The following NBAS variants were observed in gnomAD, a reference collection of about 807,000 sequenced individuals.
NBAS encodes NAG/BC035112 fusion.
Under a neutral mutation model 302.5 loss-of-function variants are expected in NBAS, and 219 were observed. The ratio of observed to expected loss-of-function variants is 0.72; its 90% CI spans 0.65 to 0.81. The LOEUF is 0.81. Ranked by LOEUF, NBAS falls within the 30% of genes least tolerant of loss-of-function variation. The pLI, the probability that NBAS is intolerant of heterozygous loss-of-function variation, is 0.00. For synonymous variants in NBAS, 1,118 were observed against 1,021.6 expected, an observed-to-expected ratio of 1.09 and a Z score of -1.80; for missense variants, 2,932 against 2,841.6, an observed-to-expected ratio of 1.03 and a Z score of -0.72.
At chr2:15,542,887 T>TGCTTC (rs1459158289) in intron 6 of NBAS, among the ~76,000 whole-genome samples, 1 of 149,816 alleles carries the variant, frequency 6.7e-6, no homozygotes, top group African/African-American at 2.5e-5. Flanking sequence ...GGATTTGCTT[T>TGCTTC]TATATGCTAG....
chr2:15,204,877 G>A (rs1421512308), intron 48 of NBAS, among the ~76,000 whole-genome samples: 1 of 152,146 alleles, frequency 6.6e-6, no homozygotes, highest in African/African-American at 2.4e-5. Flanking sequence ...GGGGAAGGGG[G>A]AGGGATAGCA....
chr2:15,098,285 A>ATATATTGTGTATAC, the NBAS span, among the ~76,000 whole-genome samples: 37 of 5,310 alleles, frequency 7.0e-3, 14 homozygotes, highest in African/African-American at 0.018. Flanking sequence ...ATTATATAAT[A>ATATATTGTGTATAC]TATATTATAT....
the NBAS span, among the ~76,000 whole-genome samples, chr2:14,971,925 T>C: frequency 9.2e-5 from 14 of 152,332 alleles, no homozygotes; most frequent in Middle Eastern, 3.4e-3. Context: ...TGGTGGTTCT[T>C]GTATCTCCAT....
At chr2:15,402,589 T>C (rs964607287) in intron 25 of NBAS, among the ~76,000 whole-genome samples, 3 of 152,170 alleles carry the variant, frequency 2.0e-5, no homozygotes, top group African/African-American at 7.2e-5. Flanking sequence ...AGAAACACTG[T>C]GAATTAAAAA....
chr2:14,845,944 A>G, the NBAS span, among the ~76,000 whole-genome samples: 10 of 152,146 alleles, frequency 6.6e-5, no homozygotes, highest in Admixed American at 2.0e-4. Context: ...CAAATCTAAG[A>G]GTTATTGGCC....
chr2:15,124,186 T>G, the NBAS span, among the ~76,000 whole-genome samples: 4 of 152,192 alleles, frequency 2.6e-5, no homozygotes, highest in Non-Finnish European at 5.9e-5. Context: ...TGTGGAAGTC[T>G]GAACTTGAGA....
At chr2:15,249,458 T>C (rs1234189527) in intron 44 of NBAS, among the ~76,000 whole-genome samples, 1 of 152,214 alleles carries the variant, frequency 6.6e-6, no homozygotes. Flanking sequence ...TTGGAAGTTC[T>C]GGCCAGGGCA....
the NBAS span, among the ~76,000 whole-genome samples, chr2:14,841,019 C>T: frequency 2.0e-5 from 3 of 151,818 alleles, no homozygotes; most frequent in Admixed American, 6.6e-5. Flanking sequence ...ATCAAGACAA[C>T]AAAAAGTAAA....
intron 44 of NBAS, among the ~76,000 whole-genome samples, chr2:15,261,302 T>G (rs1387066907): frequency 6.6e-6 from 1 of 152,216 alleles, no homozygotes; most frequent in Admixed American, 6.5e-5. Flanking sequence ...GCACGTTAAG[T>G]GCTGTTTATA....
intron 35 of NBAS, among the ~76,000 whole-genome samples, chr2:15,336,660 G>A (rs1397710996): frequency 6.6e-6 from 1 of 152,006 alleles, no homozygotes; most frequent in Non-Finnish European, 1.5e-5. Context: ...AACCCAGGAG[G>A]CAAAGGCTAC....
chr2:15,153,843 T>C, the NBAS span, among the ~76,000 whole-genome samples: 5 of 152,354 alleles, frequency 3.3e-5, no homozygotes, highest in Admixed American at 1.3e-4. Flanking sequence ...ATAGGAACCT[T>C]GTAAGTAATA....
chr2:15,092,215 A>G, the NBAS span, among the ~76,000 whole-genome samples: 13 of 152,320 alleles, frequency 8.5e-5, no homozygotes, highest in East Asian at 2.5e-3. Flanking sequence ...ATCCCAAGTA[A>G]GGAAAAGAAG....
At chr2:15,024,084 C>A in the NBAS span, among the ~76,000 whole-genome samples, 1 of 151,880 alleles carries the variant, frequency 6.6e-6, no homozygotes, top group Non-Finnish European at 1.5e-5. Context: ...AGTCATAGTA[C>A]CCAAGGGTTT....
chr2:15,160,456 C>T, the NBAS span, among the ~76,000 whole-genome samples: 1 of 152,160 alleles, frequency 6.6e-6, no homozygotes. Flanking sequence ...GGAGACACAT[C>T]TTGGCTCATA....
chr2:15,085,936 C>T, the NBAS span, among the ~76,000 whole-genome samples: 3 of 152,130 alleles, frequency 2.0e-5, no homozygotes, highest in Admixed American at 2.0e-4. Context: ...GGCCTGCAGG[C>T]GCCCATGGCA....
chr2:15,115,665 C>G, the NBAS span, among the ~76,000 whole-genome samples: 3 of 151,952 alleles, frequency 2.0e-5, no homozygotes, highest in African/African-American at 7.3e-5. Context: ...CTCCACCATG[C>G]TCAGCTAATT....
intron 10 of NBAS, among the ~76,000 whole-genome samples, chr2:15,505,276 T>C (rs1661790327): frequency 6.6e-6 from 1 of 152,032 alleles, no homozygotes; most frequent in East Asian, 1.9e-4. Context: ...CTAAGGTCCA[T>C]CTAAAACCAA....
At chr2:15,022,504 C>G in the NBAS span, among the ~76,000 whole-genome samples, 1 of 152,180 alleles carries the variant, frequency 6.6e-6, no homozygotes, top group Non-Finnish European at 1.5e-5. Context: ...CAATAGGGAT[C>G]TGAAACTTTT....
At chr2:15,353,772 A>C in intron 33 of NBAS, 62 bp from the exon 34 acceptor site, 12 of 1,607,990 alleles carry the variant, frequency 7.5e-6, no homozygotes, top group Non-Finnish European at 9.4e-6. Flanking sequence ...ATCTAAGATG[A>C]CAAATGCAAT....
Sources: allele counts gnomAD v4.1 joint callset (sites outside exome capture counted in the v4.1 genomes callset), GRCh38; gene constraint gnomAD v4.1.1; transcripts MANE v1.5; gene names NCBI Gene and HGNC (gene_info 2026-07-23, HGNC 2026-07-21).